IKBKE: variants seen among roughly 807,000 people sequenced by gnomAD.
The protein encoded by IKBKE is inhibitor of nuclear factor kappa-B kinase subunit epsilon.
Under a neutral mutation model 92.1 loss-of-function variants are expected in IKBKE, and 45 were observed. That is an observed-to-expected ratio of 0.49 (90% CI 0.38 to 0.63). The LOEUF (loss-of-function observed/expected upper bound fraction) is 0.63. Among genes scored for constraint, IKBKE ranks in the 20% least tolerant of loss-of-function variants. The pLI is 0.00. For missense variants in IKBKE, 700 were observed against 932.8 expected (o/e 0.75, Z 3.25); for synonymous variants, 374 against 380.3 (o/e 0.98, Z 0.19).
At chr1:206,489,493 A>C (rs1162799675) in intron 16 of IKBKE, among the ~76,000 whole-genome samples, 2 of 151,158 alleles carry the variant, frequency 1.3e-5, no homozygotes, top group East Asian at 3.9e-4. Flanking sequence ...ACTTGGGCCC[A>C]GGAGTTCAAG....
At position 206,493,045 on chromosome 1, in the gene IKBKE, C is replaced by T. The variant is rs782131571; in HGVS notation, c.1858C>T (p.His620Tyr). 2.3e-5 allele frequency: 37 copies of T among 1,578,668 alleles called. No homozygotes were observed. The Admixed American group carries it at 2.4e-4, about 10-fold the overall frequency. The part of the protein sequence containing the change: ...RMRVVHETRN[H>Y]LRLVGCSVAA... ...GAGGGTGGTGCACGAGACCAGGAAC[C>T]ACCTGCGCCTGGTTGGCTGTTCTGT... The change falls in exon 19 of 22, where the codon CAC becomes TAC. Residue 620 changes from histidine (H) to tyrosine (Y), a missense_variant. By Grantham distance (83) the His-to-Tyr change is moderately conservative. Coordinates refer to ENST00000581977, the MANE Select transcript of IKBKE (RefSeq NM_014002.4).
At chr1:206,492,982 G>T in intron 18 of IKBKE, 41 bp from the exon 19 acceptor site, 2 of 1,525,882 alleles carry the variant, frequency 1.3e-6, no homozygotes, top group South Asian at 2.4e-5. Context: ...GGAATGGGCT[G>T]AGTCCTGCTC....
At chr1:206,474,194 TC>T (rs1393284744) in intron 3 of IKBKE, 136 bp from the exon 4 acceptor site, 1 of 787,824 alleles carries the variant, frequency 1.3e-6, no homozygotes, top group African/African-American at 1.7e-5. Context: ...GGAGCCCCCA[TC>T]CAACCAGGCT....
At position 206,477,813 on chromosome 1, in the gene IKBKE, C is replaced by T. The variant is rs782007787; in HGVS notation, c.766C>T (p.Pro256Ser). The T allele has an allele frequency of 6.4e-7, 1 of 1,559,768 alleles. No homozygotes were observed. The highest frequency in any genetic ancestry group is 8.7e-7 in the Non-Finnish European group (1 of 1,152,008). ...AGGTGCCCAGAGGCGGGAGAACGGG[C>T]CCCTGGAGTGGAGCTACACCCTCCC... ...IAGAQRRENGPLEWSYTLPIT... is the reference protein window; with the variant it reads ...IAGAQRRENGSLEWSYTLPIT... Residue 256 changes from proline to serine, a missense_variant, in exon 8 of 22, where the codon CCC becomes TCC. Coordinates refer to ENST00000581977, the MANE Select transcript of IKBKE (RefSeq NM_014002.4).
chr1:206,480,195 G>A (rs1665298630), intron 12 of IKBKE, 82 bp downstream of exon 12: 4 of 378,546 alleles, frequency 1.1e-5, no homozygotes, highest in South Asian at 8.3e-5. Flanking sequence ...GGCAGGAAGG[G>A]GAGATGGGTG....
rs140041163 is a variant in IKBKE at position 206,480,499 on chromosome 1, C to G, written c.1393C>G (p.Leu465Val). Reference protein sequence around the residue: ...RRTLEVARTSLLYLSSSLGTE... With the variant: ...RRTLEVARTSVLYLSSSLGTE... ...GACTCTGGAAGTGGCAAGGACATCC[C>G]TCCTCTACCTCAGCAGCAGCCTGGG... Residue 465 changes from leucine (L) to valine (V), a missense_variant, in exon 13 of 22, where the codon CTC (leucine) becomes GTC (valine). By Grantham distance (32) the Leu-to-Val change is conservative. Coordinates refer to ENST00000581977, the MANE Select transcript of IKBKE (RefSeq NM_014002.4). 1 of 1,613,776 alleles carries G rather than the reference C, an allele frequency of 6.2e-7. No individual in the cohort carries two copies. The highest frequency in any genetic ancestry group is 8.5e-7 in the Non-Finnish European group (1 of 1,179,858).
At chr1:206,483,493 G>A (rs547289214) in intron 13 of IKBKE, among the ~76,000 whole-genome samples, 16 of 152,334 alleles carry the variant, frequency 1.1e-4, no homozygotes, top group Admixed American at 5.9e-4. Flanking sequence ...GGAGCAAAGC[G>A]ACGGCACCCC....
At position 206,491,719 on chromosome 1, in the gene IKBKE, C is replaced by T. The variant is rs12059562; in HGVS notation, c.1805C>T (p.Ala602Val). The T allele has an allele frequency of 0.042, 68,457 of 1,613,048 alleles. 9,200 individuals are homozygous for T. In the East Asian group the frequency reaches 0.42, roughly 10 times the overall value. Residue 602 changes from alanine (A) to valine (V), a missense_variant, in exon 18 of 22, where the codon GCG becomes GTG. Physicochemically the swap from Ala to Val is moderately conservative, Grantham distance 64. Transcript: ENST00000581977. ...FQEECVQKYQ[A>V]SLVTHGKRMR... ...GAGGAGTGCGTGCAGAAGTATCAAG[C>T]GTCCTTAGTCACACACGGCAAGAGG...
chr1:206,479,483 G>A (rs1239832538), intron 10 of IKBKE, among the ~76,000 whole-genome samples: 1 of 152,204 alleles, frequency 6.6e-6, no homozygotes. Context: ...TGGAAAGAAG[G>A]GAAGGGGGTC....
At chr1:206,484,462 C>T (rs147165677) in intron 13 of IKBKE, among the ~76,000 whole-genome samples, 5 of 152,296 alleles carry the variant, frequency 3.3e-5, no homozygotes, top group African/African-American at 9.6e-5. Flanking sequence ...AGTGGTGTGA[C>T]CTTGTCACCG....
intron 3 of IKBKE, 77 bp downstream of exon 3, chr1:206,473,391 C>A: frequency 2.9e-6 from 3 of 1,041,118 alleles, no homozygotes; most frequent in East Asian, 2.6e-5. Context: ...CCCAGTCAGC[C>A]CCCAGTGGGC....
rs1327011327 is a variant in IKBKE, at chr1:206,490,053, A to G, written c.1694-766A>G. 6.6e-6 allele frequency among the ~76,000 whole-genome samples: 1 copy of G among 152,214 alleles called. No homozygotes were observed. The highest frequency in any genetic ancestry group is 2.4e-5 in the African/African-American group (1 of 41,466). On this transcript the variant is annotated intron_variant, in intron 16 of 21. Transcript: ENST00000581977. This position sits in a 1 kb window ranked among gnomAD's most constrained non-coding sequence, Gnocchi z 5.2. ...CTCAGCGAAGTGAAATCACTCGCCT[A>G]GTGCCGCCTGCCAACAGGAGGAAGG...
intron 13 of IKBKE, among the ~76,000 whole-genome samples, chr1:206,484,706 T>C (rs1572254849): frequency 6.6e-6 from 1 of 152,138 alleles, no homozygotes; most frequent in East Asian, 1.9e-4. Flanking sequence ...GGTAAGGAGA[T>C]CATTAATAGC....
chr1:206,479,795 G>A, intron 10 of IKBKE, 75 bp from the exon 11 acceptor site: 1 of 1,467,314 alleles, frequency 6.8e-7, no homozygotes, highest in Admixed American at 1.9e-5. Flanking sequence ...GGGTGAGTGT[G>A]AGCTGGAAAT....
intron 21 of IKBKE, among the ~76,000 whole-genome samples, chr1:206,494,588 C>CTTTCTTTTT (rs782391481): frequency 2.6e-5 from 2 of 76,300 alleles, no homozygotes; most frequent in Non-Finnish European, 2.7e-5. Flanking sequence ...AGTAAAAGTT[C>CTTTCTTTTT]TTTCTTTTTT....
At chr1:206,474,231 G>A in intron 3 of IKBKE, 100 bp from the exon 4 acceptor site, 1 of 1,192,238 alleles carries the variant, frequency 8.4e-7, no homozygotes, top group Non-Finnish European at 1.2e-6. Flanking sequence ...GCTGGCCGGA[G>A]AGGCTGAATG....
Position 206,493,048 on chromosome 1 carries a change from C to T in IKBKE, c.1861C>T (p.Leu621=), listed in dbSNP as rs782035532. 1.3e-6 allele frequency: 2 copies of T among 1,580,546 alleles called. No homozygotes were observed. The highest frequency in any genetic ancestry group is 1.7e-6 in the Non-Finnish European group (2 of 1,162,740). ...GGTGGTGCACGAGACCAGGAACCAC[C>T]TGCGCCTGGTTGGCTGTTCTGTGGC... The part of the protein sequence containing the change: ...MRVVHETRNH[L]RLVGCSVAAC... The change falls in exon 19 of 22, where the codon CTG becomes TTG. Residue 621 remains leucine, a synonymous_variant. Coordinates refer to ENST00000581977, the MANE Select transcript of IKBKE (RefSeq NM_014002.4).
rs1327073962 is a variant in IKBKE at position 206,471,179 on chromosome 1, A to T, written c.-99A>T. 1 of 152,268 alleles carries T rather than the reference A, an allele frequency of 6.6e-6. No individual in the cohort carries two copies. The highest frequency in any genetic ancestry group is 1.5e-5 in the Non-Finnish European group (1 of 68,144). 9.4% of individuals were successfully genotyped at this position (152,268 alleles called of 1,614,324 possible). A position where few individuals can be genotyped will look rare whatever the true frequency, so the allele number is the denominator to read the frequency against. On this transcript the variant is annotated 5_prime_UTR_variant, in exon 2 of 22. Coordinates refer to ENST00000581977, the MANE Select transcript of IKBKE (RefSeq NM_014002.4). ...AGCTCAGCTCCTGGACGTGCCACAG[A>T]CAGAAAGCATAACATACACTCGCCA... is the stretch of plus-strand genomic sequence containing the variant.
intron 13 of IKBKE, among the ~76,000 whole-genome samples, chr1:206,483,477 G>C (rs1294709957): frequency 6.6e-6 from 1 of 152,164 alleles, no homozygotes; most frequent in Non-Finnish European, 1.5e-5. Flanking sequence ...GGCACGAGAC[G>C]TACGAGGAGC....
Sources: allele counts gnomAD v4.1 joint callset (sites outside exome capture counted in the v4.1 genomes callset), GRCh38; gene constraint gnomAD v4.1.1; non-coding constraint Gnocchi (gnomAD v3.1); transcripts MANE v1.5; gene names NCBI Gene and HGNC (gene_info 2026-07-23, HGNC 2026-07-21).